C1orf21: variants seen among roughly 807,000 people sequenced by gnomAD.
C1orf21 encodes the protein uncharacterized protein C1orf21.
C1orf21 carries 3 observed loss-of-function variants against 18.7 expected under a neutral mutation model. That is an observed-to-expected ratio of 0.16 (90% CI 0.07 to 0.42). C1orf21 has a LOEUF of 0.42. Ranked by LOEUF, C1orf21 falls within the 10% of genes least tolerant of loss-of-function variation. The pLI is 0.99. For synonymous variants in C1orf21, 41 were observed against 46.4 expected (o/e 0.88, Z 0.47); for missense variants, 104 against 143.6 (o/e 0.72, Z 1.41).
intron 1 of C1orf21, among the ~76,000 whole-genome samples, chr1:184,432,208 A>G (rs1457799367): frequency 6.6e-6 from 1 of 152,242 alleles, no homozygotes; most frequent in Non-Finnish European, 1.5e-5. Context: ...TTCTACTCTA[A>G]TGACACATGC....
chr1:184,600,891 T>C (rs1659576719), intron 5 of C1orf21, among the ~76,000 whole-genome samples: 1 of 152,198 alleles, frequency 6.6e-6, no homozygotes, highest in Admixed American at 6.5e-5. Flanking sequence ...ACATTAAGCC[T>C]CCAAAAATTA....
At position 184,460,620 on chromosome 1, in the gene C1orf21, GTCTTCTTCTTCTTCTTCTTCTTCT is replaced by G. The variant is rs201481780; in HGVS notation, c.-124-16722_-124-16699del. On this transcript the variant is annotated intron_variant, in intron 1 of 5. Coordinates refer to ENST00000235307, the MANE Select transcript of C1orf21 (RefSeq NM_030806.4). ...TTGGGCTGTTAGTATTGTCGTCGTC[GTCTTCTTCTTCTTCTTCTTCTTCT>G]TCTTCTTCTTCTTCTTCTTCTTCTT... is the stretch of plus-strand genomic sequence containing the variant. Among the ~76,000 whole-genome samples, 1,069 of 112,092 alleles carry G rather than the reference GTCTTCTTCTTCTTCTTCTTCTTCT, an allele frequency of 9.5e-3. 7 individuals are homozygous for G. Among genetic ancestry groups the G allele is most frequent in the South Asian group, 0.028 (89 of 3,158 alleles). 73.5% of individuals were successfully genotyped at this position (112,092 alleles called of 152,430 possible).
At chr1:184,418,876 G>A (rs2101965715) in intron 1 of C1orf21, among the ~76,000 whole-genome samples, 1 of 152,212 alleles carries the variant, frequency 6.6e-6, no homozygotes, top group East Asian at 1.9e-4. Context: ...ACTACTGTTG[G>A]TTTGGCTATC....
chr1:184,614,592 G>A (rs1659790179), intron 5 of C1orf21, among the ~76,000 whole-genome samples: 1 of 151,978 alleles, frequency 6.6e-6, no homozygotes, highest in Non-Finnish European at 1.5e-5. Flanking sequence ...GGGCGGGGTG[G>A]GGGTGGTTTC....
intron 4 of C1orf21, among the ~76,000 whole-genome samples, chr1:184,592,532 T>A (rs563645680): frequency 7.6e-4 from 115 of 152,210 alleles, no homozygotes; most frequent in Non-Finnish European, 1.4e-3. Flanking sequence ...GAGGCTGTGT[T>A]ATCCCAGCGG....
intron 3 of C1orf21, among the ~76,000 whole-genome samples, chr1:184,568,157 T>C (rs1659059774): frequency 6.6e-6 from 1 of 152,208 alleles, no homozygotes; most frequent in Non-Finnish European, 1.5e-5. Context: ...TTCTCCTATC[T>C]GCTAGCATTT....
At chr1:184,486,413 TCCA>T (rs1240173457) in intron 2 of C1orf21, among the ~76,000 whole-genome samples, 4 of 152,194 alleles carry the variant, frequency 2.6e-5, no homozygotes, top group Non-Finnish European at 4.4e-5. Flanking sequence ...AATAATGGTA[TCCA>T]CCACTTGGAG....
intron 3 of C1orf21, among the ~76,000 whole-genome samples, chr1:184,514,403 A>T (rs1658194009): frequency 6.6e-6 from 1 of 152,172 alleles, no homozygotes; most frequent in South Asian, 2.1e-4. Flanking sequence ...ACCAGTTTGG[A>T]TGGTGTTGCC....
intron 3 of C1orf21, among the ~76,000 whole-genome samples, chr1:184,585,606 C>T (rs186044664): frequency 1.3e-5 from 2 of 152,238 alleles, no homozygotes; most frequent in Middle Eastern, 3.4e-3. Flanking sequence ...TTTTCCTGAT[C>T]CTCTCCCACC....
intron 3 of C1orf21, among the ~76,000 whole-genome samples, chr1:184,579,687 T>G (rs1171240746): frequency 6.6e-6 from 1 of 151,726 alleles, no homozygotes; most frequent in East Asian, 1.9e-4. Context: ...ATTTTTGTAT[T>G]TTTAGCAGAG....
At chr1:184,610,291 G>T (rs149394988) in intron 5 of C1orf21, among the ~76,000 whole-genome samples, 1 of 152,148 alleles carries the variant, frequency 6.6e-6, no homozygotes, top group Non-Finnish European at 1.5e-5. Context: ...ATCTATGGCC[G>T]CTTTCAAGCT....
chr1:184,521,144 C>G (rs1658300876), intron 3 of C1orf21, among the ~76,000 whole-genome samples: 1 of 152,142 alleles, frequency 6.6e-6, no homozygotes, highest in African/African-American at 2.4e-5. Context: ...CTCGGCCTCC[C>G]AAAGTGCTGG....
intron 2 of C1orf21, among the ~76,000 whole-genome samples, chr1:184,489,603 C>A (rs182934817): frequency 2.6e-5 from 4 of 152,250 alleles, no homozygotes; most frequent in Admixed American, 1.3e-4. Context: ...GACAAGTGTG[C>A]AAACCTGTGT....
intron 3 of C1orf21, among the ~76,000 whole-genome samples, chr1:184,540,440 G>GT (rs375846605): frequency 0.016 from 2,341 of 145,186 alleles, 25 homozygotes; most frequent in African/African-American, 0.028. Flanking sequence ...TGTTTGTTTT[G>GT]TTTTTTTTTT....
At chr1:184,476,555 G>A (rs890398032) in intron 1 of C1orf21, among the ~76,000 whole-genome samples, 1 of 152,180 alleles carries the variant, frequency 6.6e-6, no homozygotes, top group Admixed American at 6.5e-5. Flanking sequence ...CTTGGATGGG[G>A]CAGGGAAAGG....
Position 184,507,670 on chromosome 1 carries a change from CCAAGAA to C in C1orf21, c.178_183del (p.Gln60_Glu61del), listed in dbSNP as rs765644327. 6.3e-7 allele frequency: 1 copy of C among 1,587,712 alleles called. No individual in the cohort carries two copies. The highest frequency in any genetic ancestry group is 8.5e-7 in the Non-Finnish European group (1 of 1,171,978). ...AAGAGCAGAAAATAGCAGCCAGGAA[CCAAGAA>C]AACTTGGTAAGAATTGATTTTCTCA... On this transcript the variant is annotated inframe_deletion, in exon 3 of 6. Coordinates refer to ENST00000235307, the MANE Select transcript of C1orf21 (RefSeq NM_030806.4).
At chr1:184,492,652 G>T (rs1441783723) in intron 2 of C1orf21, among the ~76,000 whole-genome samples, 1 of 152,190 alleles carries the variant, frequency 6.6e-6, no homozygotes, top group African/African-American at 2.4e-5. Flanking sequence ...AGCTTGAAGT[G>T]TGTGGAGTTG....
chr1:184,436,125 G>A (rs1415459280), intron 1 of C1orf21, among the ~76,000 whole-genome samples: 1 of 152,058 alleles, frequency 6.6e-6, no homozygotes, highest in African/African-American at 2.4e-5. Flanking sequence ...CAGGAGAAGG[G>A]AAAATTGCAG....
At chr1:184,603,955 C>G (rs1180338111) in intron 5 of C1orf21, among the ~76,000 whole-genome samples, 1 of 152,172 alleles carries the variant, frequency 6.6e-6, no homozygotes, top group Non-Finnish European at 1.5e-5. Context: ...CATGGTAAAT[C>G]TGCATTCGTA....
Sources: gnomAD v4.1 joint callset for allele counts (sites outside exome capture counted in the v4.1 genomes callset) on GRCh38, gnomAD v4.1.1 for gene constraint, MANE v1.5 for transcripts, NCBI Gene and HGNC (gene_info 2026-07-23, HGNC 2026-07-21) for gene names.